STXBP2: variants seen among roughly 807,000 people sequenced by gnomAD.
The protein encoded by STXBP2 is syntaxin binding protein 2.
STXBP2 carries 47 observed loss-of-function variants against 72.2 expected under a neutral mutation model. That is an observed-to-expected ratio of 0.65 (90% CI 0.51 to 0.83). The LOEUF is 0.83. Among genes scored for constraint, STXBP2 ranks in the 40% least tolerant of loss-of-function variants. The probability of loss-of-function intolerance (pLI) is 0.00; values close to 1 mark genes in which losing one functional copy is unlikely to be tolerated. For synonymous variants in STXBP2, 367 were observed against 338.7 expected, an observed-to-expected ratio of 1.08 and a Z score of -0.92; for missense variants, 702 against 807.6, an observed-to-expected ratio of 0.87 and a Z score of 1.58.
In STXBP2 at chr19:7,647,848, A is replaced by G; in HGVS notation, c.*38A>G. The G allele has an allele frequency of 6.4e-7, 1 of 1,560,802 alleles. No homozygotes were observed. The highest frequency in any genetic ancestry group is 8.8e-7 in the Non-Finnish European group (1 of 1,134,846). On this transcript the variant is annotated 3_prime_UTR_variant, in exon 19 of 19. Transcript: ENST00000221283. Reference sequence around the variant, plus strand: ...CCCCCTACCCCTCCCTTTCCAGAGAAATAAACTCTTCCCGTCGCTCTGCCA... The same window carrying G: ...CCCCCTACCCCTCCCTTTCCAGAGAGATAAACTCTTCCCGTCGCTCTGCCA...
chr19:7,642,194 C>T lies in STXBP2; in HGVS notation c.664-9C>T, dbSNP rs1356571690. The T allele has an allele frequency of 1.9e-6, 3 of 1,614,040 alleles. No homozygotes were observed. Among genetic ancestry groups the T allele is most frequent in the African/African-American group, 2.7e-5 (2 of 74,904 alleles). On this transcript the variant is annotated splice_polypyrimidine_tract_variant and intron_variant, in intron 8 of 18. Coordinates refer to ENST00000221283, the MANE Select transcript of STXBP2 (RefSeq NM_006949.4). This position sits in a 1 kb window ranked among gnomAD's most constrained non-coding sequence, Gnocchi z 6.0. ...CAGTGCCTCATTCCTGCCCTAAACC[C>T]CACCCCAGGGCCCAGAGAAAACCCG...
At position 7,641,676 on chromosome 19, in the gene STXBP2, C is replaced by A. The variant is rs375651274; in HGVS notation, c.430-29C>A. 1.9e-4 allele frequency: 293 copies of A among 1,550,370 alleles called. No individual in the cohort carries two copies. The South Asian group carries it at 3.3e-3, about 17-fold the overall frequency. On this transcript the variant is annotated intron_variant, in intron 6 of 18. Coordinates refer to ENST00000221283, the MANE Select transcript of STXBP2 (RefSeq NM_006949.4). Reference sequence around the variant, plus strand: ...GCAGGTGTGCACCTGCAGCGGCAACCCTGGTGCTTCTGTCCCCTCCTCGCC... The same window carrying A: ...GCAGGTGTGCACCTGCAGCGGCAACACTGGTGCTTCTGTCCCCTCCTCGCC...
chr19:7,641,620 G>A, intron 6 of STXBP2, 85 bp from the exon 7 acceptor site: 1 of 1,536,452 alleles, frequency 6.5e-7, no homozygotes, highest in Non-Finnish European at 8.8e-7. Flanking sequence ...ACGGCTCCCA[G>A]GAGGTGCAGG....
intron 4 of STXBP2, chr19:7,640,087 T>C (rs562580596): frequency 1.6e-6 from 1 of 610,252 alleles, no homozygotes; most frequent in South Asian, 1.5e-5. Flanking sequence ...TCTGTGGGTC[T>C]GTGTGTGCAT....
chr19:7,645,433 GC>G (rs2032095111), intron 15 of STXBP2, 127 bp downstream of exon 15: 2 of 905,832 alleles, frequency 2.2e-6, no homozygotes, highest in East Asian at 5.3e-5. Flanking sequence ...TTGCTGGGAG[GC>G]CAAAAGCAGT....
rs1171695512 is a variant in STXBP2, at chr19:7,647,397, G to T, written c.1582G>T (p.Ala528Ser). 10 of 1,613,510 alleles carry T rather than the reference G, an allele frequency of 6.2e-6. No individual in the cohort carries two copies. Among genetic ancestry groups the T allele is most frequent in the Non-Finnish European group, 8.5e-6 (10 of 1,179,968 alleles). Residue 528 changes from alanine to serine, a missense_variant, in exon 18 of 19, where the codon GCC becomes TCC. By Grantham distance (99) the Ala-to-Ser change is moderately conservative. Transcript: ENST00000221283. ...GCACAAGAACAAGGCTGGCATAGAA[G>T]CCCGGGCGGGCCCCCGGCTCATCGT... ...HWHKNKAGIEARAGPRLIVYV... is the reference protein window; with the variant it reads ...HWHKNKAGIESRAGPRLIVYV...
rs2032173863 is a variant in STXBP2, at chr19:7,647,248, G to A, written c.1538+1G>A. ...CGGCCAGCTCCCAGGCCGCTGTCAG[G>A]TGAGGCCCCGGGGCCGCCCCCGCCC... On this transcript the variant is annotated splice_donor_variant, in intron 17 of 18. Transcript: ENST00000221283. LOFTEE classifies it high-confidence loss of function. The A allele has an allele frequency of 6.2e-7, 1 of 1,610,694 alleles. No individual in the cohort carries two copies. Among genetic ancestry groups the A allele is most frequent in the African/African-American group, 1.3e-5 (1 of 74,862 alleles).
chr19:7,631,232 C>T, the STXBP2 span: 1 of 1,403,116 alleles, frequency 7.1e-7, no homozygotes, highest in Non-Finnish European at 9.2e-7. Flanking sequence ...TTACTCTCAG[C>T]CATGAGTAAG....
chr19:7,642,889 G>A lies in STXBP2; in HGVS notation c.960+66G>A, dbSNP rs922277481. 4.3e-6 allele frequency: 7 copies of A among 1,613,396 alleles called. No individual in the cohort carries two copies. The highest frequency in any genetic ancestry group is 5.1e-6 in the Non-Finnish European group (6 of 1,179,342). On this transcript the variant is annotated intron_variant, in intron 11 of 18. Transcript: ENST00000221283. This position sits in a 1 kb window ranked among gnomAD's most constrained non-coding sequence, Gnocchi z 6.0. ...AAGCCCCCCTCCCCATGGGCGCAGG[G>A]CCACAGCCTGGATTTCGAGCCTGGA...
the STXBP2 span, chr19:7,630,915 G>C: frequency 6.5e-7 from 1 of 1,533,046 alleles, no homozygotes; most frequent in Non-Finnish European, 8.7e-7. Context: ...ATGGGTTTTA[G>C]ATGAAAATTT....
chr19:7,630,918 G>A, the STXBP2 span: 39 of 1,525,982 alleles, frequency 2.6e-5, no homozygotes, highest in Non-Finnish European at 3.3e-5. Flanking sequence ...GGTTTTAGAT[G>A]AAAATTTTAG....
chr19:7,630,907 G>A, the STXBP2 span: 2 of 1,534,808 alleles, frequency 1.3e-6, no homozygotes, highest in Non-Finnish European at 1.7e-6. Context: ...TATCCGGGAT[G>A]GGTTTTAGAT....
At position 7,641,848 on chromosome 19, in the gene STXBP2, C is replaced by T; in HGVS notation, c.573C>T (p.Tyr191=). The change falls in exon 7 of 19, where the codon TAC becomes TAT. Residue 191 remains tyrosine (Y), a synonymous_variant. Coordinates refer to ENST00000221283, the MANE Select transcript of STXBP2 (RefSeq NM_006949.4). ...TGCAGGAGTACCCGGCCATCCGCTA[C>T]CGCAAGTGGGGACCCCACCCAGCCC... ...ATLQEYPAIR[Y]RKGPEDTAQL... 1.3e-6 allele frequency: 2 copies of T among 1,556,042 alleles called. No individual in the cohort carries two copies. The highest frequency in any genetic ancestry group is 1.2e-5 in the South Asian group (1 of 84,720).
upstream of STXBP2, among the ~76,000 whole-genome samples, chr19:7,635,533 C>A (rs1346996549): frequency 6.6e-6 from 1 of 151,772 alleles, no homozygotes; most frequent in Non-Finnish European, 1.5e-5. Context: ...TGTCTCTTAA[C>A]AACAACAACA....
Position 7,643,053 on chromosome 19 carries a change from G to A in STXBP2, c.1026+5G>A, listed in dbSNP as rs771602891. Reference sequence around the variant, plus strand: ...TACCAGAAGGAGCTGAATAAGGTGTGCTCGGGTGGGCAGGGAGCGGGGACA... The same window carrying A: ...TACCAGAAGGAGCTGAATAAGGTGTACTCGGGTGGGCAGGGAGCGGGGACA... On this transcript the variant is annotated splice_donor_5th_base_variant and intron_variant, in intron 12 of 18. Transcript: ENST00000221283. 1.9e-6 allele frequency: 3 copies of A among 1,614,064 alleles called. No homozygotes were observed. The African/African-American group carries it at 4.0e-5, about 22-fold the overall frequency.
At chr19:7,634,591 A>G (rs576183272), upstream of STXBP2, among the ~76,000 whole-genome samples, 19 of 152,294 alleles carry the variant, frequency 1.2e-4, no homozygotes, top group Non-Finnish European at 2.5e-4. Context: ...GCTAGTCTCA[A>G]ACTCCTGGGT....
chr19:7,631,742 C>A, the STXBP2 span: 1 of 1,440,818 alleles, frequency 6.9e-7, no homozygotes, highest in Admixed American at 2.6e-5. Context: ...AAGCCGAGAG[C>A]GGTCGGGTCC....
At position 7,642,140 on chromosome 19, in the gene STXBP2, G is replaced by A. The variant is rs528790028; in HGVS notation, c.663+22G>A. The A allele has an allele frequency of 1.7e-4, 273 of 1,614,066 alleles. 6 individuals carry two copies. In the South Asian group the frequency reaches 2.6e-3, roughly 15 times the overall value. On this transcript the variant is annotated intron_variant, in intron 8 of 18. Coordinates refer to ENST00000221283, the MANE Select transcript of STXBP2 (RefSeq NM_006949.4). The surrounding 1 kb of genome is among the most constrained non-coding windows in gnomAD (Gnocchi z 6.0). ...CGAGGTGAGGGGGCGTGCTTGGGAG[G>A]TGAGGGGCAGCCCCAACCGGCTCAG...
At chr19:7,632,496 A>C (rs745953991), upstream of STXBP2, 3 of 1,612,772 alleles carry the variant, frequency 1.9e-6, no homozygotes, top group South Asian at 1.1e-5. This position sits in a 1 kb window ranked among gnomAD's most constrained non-coding sequence, Gnocchi z 5.2. Context: ...GAGGCTGTCC[A>C]TCTCGGGGGT....
Sources: allele counts gnomAD v4.1 joint callset (sites outside exome capture counted in the v4.1 genomes callset), GRCh38; gene constraint gnomAD v4.1.1; non-coding constraint Gnocchi (gnomAD v3.1); transcripts MANE v1.5; gene names NCBI Gene and HGNC (gene_info 2026-07-23, HGNC 2026-07-21).